Variants in MYT1L observed in about 807,000 individuals in gnomAD.
The protein encoded by MYT1L is myelin transcription factor 1 like, also known as myelin transcription factor 1-like protein.
A neutral mutation model predicts 126.7 loss-of-function variants in MYT1L; 12 were observed. The ratio of observed to expected loss-of-function variants is 0.09; its 90% CI spans 0.06 to 0.15. The LOEUF (loss-of-function observed/expected upper bound fraction) is 0.15. Among genes scored for constraint, MYT1L ranks in the 10% least tolerant of loss-of-function variants. The pLI is 1.00. For synonymous variants in MYT1L, 541 were observed against 604.2 expected, an observed-to-expected ratio of 0.90 and a Z score of 1.53; for missense variants, 979 against 1,585.2, an observed-to-expected ratio of 0.62 and a Z score of 6.49.
intron 1 of MYT1L, among the ~76,000 whole-genome samples, chr2:2,322,826 G>T (rs1372433715): frequency 2.0e-5 from 3 of 152,160 alleles, no homozygotes; most frequent in East Asian, 3.8e-4. Context: ...GTAGCAATGA[G>T]AAAATAATGG....
intron 3 of MYT1L, among the ~76,000 whole-genome samples, chr2:2,056,719 T>C (rs952818474): frequency 6.6e-6 from 1 of 152,294 alleles, no homozygotes; most frequent in Non-Finnish European, 1.5e-5. Flanking sequence ...ATTCCCAGGA[T>C]GAACTCTTAA....
chr2:2,317,481 C>T (rs1573521751), intron 1 of MYT1L, among the ~76,000 whole-genome samples: 2 of 151,856 alleles, frequency 1.3e-5, no homozygotes, highest in Non-Finnish European at 2.9e-5. Context: ...AAGTCATCTC[C>T]GAATTCTCTA....
intron 8 of MYT1L, among the ~76,000 whole-genome samples, chr2:1,958,368 T>G (rs1314570979): frequency 7.6e-6 from 1 of 131,634 alleles, no homozygotes; most frequent in African/African-American, 2.9e-5. Flanking sequence ...AACCAGGGAG[T>G]TGGAGGATGA....
At chr2:2,257,175 T>G (rs748552400) in intron 2 of MYT1L, among the ~76,000 whole-genome samples, 2 of 152,090 alleles carry the variant, frequency 1.3e-5, no homozygotes, top group Non-Finnish European at 2.9e-5. Context: ...GAACACTACT[T>G]GAGAGAATAA....
At chr2:2,060,925 CTGA>C (rs1052881969) in intron 3 of MYT1L, among the ~76,000 whole-genome samples, 1 of 151,234 alleles carries the variant, frequency 6.6e-6, no homozygotes, top group Non-Finnish European at 1.5e-5. Context: ...ACATTCCAGG[CTGA>C]TATTTGTAAG....
At chr2:2,256,922 C>A (rs955256816) in intron 2 of MYT1L, among the ~76,000 whole-genome samples, 1 of 152,202 alleles carries the variant, frequency 6.6e-6, no homozygotes, top group Non-Finnish European at 1.5e-5. Flanking sequence ...TATAGCCACA[C>A]AGACACACAG....
intron 14 of MYT1L, among the ~76,000 whole-genome samples, chr2:1,896,439 G>A (rs1172681107): frequency 2.0e-5 from 3 of 152,120 alleles, no homozygotes; most frequent in Non-Finnish European, 2.9e-5. Flanking sequence ...CAACCTAGGC[G>A]CCCATCAGTG....
chr2:2,271,197 C>T lies in MYT1L; in HGVS notation c.-421+13207G>A, dbSNP rs73914905. ...ACAGTCTGGCCAGGTCACAGGGGGA[C>T]ACAGTGCCAACAACATGGATTTTTA... On this transcript the variant is annotated intron_variant, in intron 2 of 24. Transcript: ENST00000647738. Among the ~76,000 whole-genome samples the T allele has an allele frequency of 4.4e-3, 674 of 152,298 alleles. 2 individuals carry two copies. The highest frequency in any genetic ancestry group is 0.015 in the African/African-American group (641 of 41,566).
At chr2:1,849,299 A>T (rs147105616) in intron 19 of MYT1L, among the ~76,000 whole-genome samples, 329 of 152,316 alleles carry the variant, frequency 2.2e-3, no homozygotes, top group African/African-American at 7.8e-3. Context: ...GATGAAATAA[A>T]CACCAGCATG....
intron 3 of MYT1L, among the ~76,000 whole-genome samples, chr2:2,148,195 G>A (rs2085186753): frequency 6.6e-6 from 1 of 152,186 alleles, no homozygotes; most frequent in East Asian, 1.9e-4. Context: ...AAGGCATAAA[G>A]CAGTGCTCCC....
chr2:2,020,625 C>T (rs1364817538), intron 4 of MYT1L, among the ~76,000 whole-genome samples: 1 of 152,178 alleles, frequency 6.6e-6, no homozygotes, highest in East Asian at 1.9e-4. Flanking sequence ...TTAATCTTTT[C>T]ATATCATAGT....
chr2:1,926,871 G>T (rs1019416759), intron 9 of MYT1L, among the ~76,000 whole-genome samples: 17 of 152,302 alleles, frequency 1.1e-4, no homozygotes, highest in African/African-American at 3.6e-4. Context: ...AGTGACTATT[G>T]TTCTATCAAA....
intron 18 of MYT1L, among the ~76,000 whole-genome samples, chr2:1,857,860 C>G (rs1369357647): frequency 6.9e-6 from 1 of 144,430 alleles, no homozygotes; most frequent in African/African-American, 2.8e-5. Flanking sequence ...ATACATATTA[C>G]TATTTTTTTT....
intron 1 of MYT1L, among the ~76,000 whole-genome samples, chr2:2,291,271 A>C (rs558494582): frequency 6.6e-6 from 1 of 152,286 alleles, no homozygotes; most frequent in South Asian, 2.1e-4. Flanking sequence ...CTGACTATGA[A>C]ACCAGTGATT....
At position 2,110,074 on chromosome 2, in the gene MYT1L, G is replaced by A. The variant is rs1037724259; in HGVS notation, c.-303-55951C>T. 5.9e-5 allele frequency among the ~76,000 whole-genome samples: 9 copies of A among 151,634 alleles called. No homozygotes were observed. In the South Asian group the frequency reaches 8.4e-4, roughly 14 times the overall value. ...ACTGTGCTGGGCAGTCTGGTTGGACGTGCCTCCATGGTGCCAAGTCCAGGG... is the reference window on the plus strand; with the variant it reads ...ACTGTGCTGGGCAGTCTGGTTGGACATGCCTCCATGGTGCCAAGTCCAGGG... On this transcript the variant is annotated intron_variant, in intron 3 of 24. Coordinates refer to ENST00000647738, the MANE Select transcript of MYT1L (RefSeq NM_001303052.2).
chr2:1,914,635 C>T (rs777273765), intron 11 of MYT1L, among the ~76,000 whole-genome samples: 5 of 152,196 alleles, frequency 3.3e-5, no homozygotes, highest in Non-Finnish European at 5.9e-5. Context: ...ATACAAGTCC[C>T]GGTTCTCCAC....
chr2:1,960,115 T>G (rs1474800236), intron 8 of MYT1L, among the ~76,000 whole-genome samples: 1 of 152,230 alleles, frequency 6.6e-6, no homozygotes, highest in Admixed American at 6.5e-5. Context: ...TCTGGGGAGC[T>G]GGTACAATCT....
intron 2 of MYT1L, among the ~76,000 whole-genome samples, chr2:2,260,990 C>T (rs761472450): frequency 9.9e-5 from 15 of 152,154 alleles, no homozygotes; most frequent in Non-Finnish European, 1.6e-4. Flanking sequence ...ACTTTGTTAA[C>T]GGTGTTATTT....
chr2:2,084,920 C>T (rs569559471), intron 3 of MYT1L, among the ~76,000 whole-genome samples: 8 of 152,294 alleles, frequency 5.3e-5, no homozygotes, highest in East Asian at 3.9e-4. Flanking sequence ...GTGCACTCAG[C>T]GCAGCCATGT....
Sources: allele counts gnomAD v4.1 joint callset (sites outside exome capture counted in the v4.1 genomes callset), GRCh38; gene constraint gnomAD v4.1.1; transcripts MANE v1.5; gene names NCBI Gene and HGNC (gene_info 2026-07-23, HGNC 2026-07-21).